The following CIAO2A variants were observed in gnomAD, a reference collection of about 807,000 sequenced individuals.
CIAO2A encodes the protein cytosolic iron-sulfur assembly component 2A.
A neutral mutation model predicts 22.4 loss-of-function variants in CIAO2A; 17 were observed. The ratio of observed to expected loss-of-function variants is 0.76; its 90% CI spans 0.52 to 1.14. CIAO2A has a LOEUF of 1.14. Ranked by LOEUF, CIAO2A falls within the 50% of genes most tolerant of loss-of-function variation. The pLI is 0.00. For synonymous variants in CIAO2A, 74 were observed against 72.3 expected, an observed-to-expected ratio of 1.02 and a Z score of -0.12; for missense variants, 192 against 191.4, an observed-to-expected ratio of 1.00 and a Z score of -0.02.
chr15:64,075,208 T>C (rs181127638), intron 4 of CIAO2A: 43 of 242,570 alleles, frequency 1.8e-4, no homozygotes, highest in African/African-American at 8.6e-4. Flanking sequence ...GAAGCCTACT[T>C]AGAGCTCATA....
chr15:64,078,639 C>CAAAAAAAAAAAAAAAAA (rs56266808), intron 3 of CIAO2A, among the ~76,000 whole-genome samples: 14 of 129,132 alleles, frequency 1.1e-4, no homozygotes, highest in African/African-American at 3.8e-4. Context: ...CCATCGCAAA[C>CAAAAAAAAAAAAAAAAA]AAAAAAAAAA....
intron 2 of CIAO2A, among the ~76,000 whole-genome samples, chr15:64,087,084 C>CTTTTTTTTTTTTTT (rs766247330): frequency 2.6e-5 from 2 of 76,076 alleles, no homozygotes; most frequent in Non-Finnish European, 4.8e-5. Context: ...GCTAATTTTG[C>CTTTTTTTTTTTTTT]TTTTTTTTTT....
chr15:64,075,603 G>A (rs1595951253), intron 3 of CIAO2A, 66 bp from the exon 4 acceptor site: 11 of 1,007,106 alleles, frequency 1.1e-5, no homozygotes, highest in Middle Eastern at 2.6e-4. Flanking sequence ...GAGTGAAGTG[G>A]AATGTACAGT....
intron 2 of CIAO2A, among the ~76,000 whole-genome samples, chr15:64,082,704 A>C (rs902907181): frequency 6.6e-6 from 1 of 152,186 alleles, no homozygotes; most frequent in African/African-American, 2.4e-5. Context: ...GTACTGTCTG[A>C]ATATCCTCAC....
chr15:64,084,174 A>G (rs1453801504), intron 2 of CIAO2A, among the ~76,000 whole-genome samples: 1 of 152,132 alleles, frequency 6.6e-6, no homozygotes, highest in Non-Finnish European at 1.5e-5. Context: ...ATGCAATTTG[A>G]ACTTATTCAA....
In CIAO2A at chr15:64,088,735, T is replaced by A; in HGVS notation, c.241A>T (p.Ile81Phe). The stretch of plus-strand genomic sequence containing the variant: ...TGAGGTACTGTTGGCGTGAACCTGA[T>A]AATAACCAGATATTCTTCTTCATTT... ...EINEEEYLVI[I>F]RFTPTVPHCS... Residue 81 changes from isoleucine to phenylalanine, a missense_variant, in exon 2 of 5, where the codon ATC becomes TTC. Ile to Phe is a conservative substitution (Grantham distance 21). Coordinates refer to ENST00000300030, the MANE Select transcript of CIAO2A (RefSeq NM_032231.7). 1.2e-6 allele frequency: 2 copies of A among 1,613,976 alleles called. No homozygotes were observed. The highest frequency in any genetic ancestry group is 1.6e-4 in the Middle Eastern group (1 of 6,062).
At chr15:64,077,222 C>T (rs1328033609) in intron 3 of CIAO2A, among the ~76,000 whole-genome samples, 3 of 152,084 alleles carry the variant, frequency 2.0e-5, no homozygotes, top group African/African-American at 4.8e-5. Context: ...CCCTTGAACC[C>T]GGGAGGTGGA....
At chr15:64,077,171 G>C (rs968348260) in intron 3 of CIAO2A, among the ~76,000 whole-genome samples, 2 of 152,142 alleles carry the variant, frequency 1.3e-5, no homozygotes, top group Non-Finnish European at 2.9e-5. Context: ...AATTAGCCGG[G>C]CGTGTATTAC....
At chr15:64,079,991 G>A (rs750462112) in intron 3 of CIAO2A, among the ~76,000 whole-genome samples, 7 of 152,112 alleles carry the variant, frequency 4.6e-5, no homozygotes, top group Admixed American at 2.6e-4. Context: ...TTTTAAAATG[G>A]GCAAAGGATC....
At chr15:64,081,431 C>T (rs928635144) in intron 2 of CIAO2A, among the ~76,000 whole-genome samples, 1 of 151,400 alleles carries the variant, frequency 6.6e-6, no homozygotes, top group African/African-American at 2.4e-5. Context: ...CACTGAGTTA[C>T]AACAGTGGCA....
chr15:64,076,983 G>A (rs111522777), intron 3 of CIAO2A, among the ~76,000 whole-genome samples: 53 of 152,144 alleles, frequency 3.5e-4, no homozygotes, highest in African/African-American at 1.3e-3. Context: ...AGAGATTATA[G>A]GCGTGAGCCA....
chr15:64,086,772 C>G (rs1388951939), intron 2 of CIAO2A, among the ~76,000 whole-genome samples: 4 of 151,634 alleles, frequency 2.6e-5, no homozygotes, highest in Non-Finnish European at 5.9e-5. Flanking sequence ...TGCCACCATG[C>G]CCAGCTAATT....
At chr15:64,089,910 A>G (rs147524162) in intron 1 of CIAO2A, among the ~76,000 whole-genome samples, 80 of 152,332 alleles carry the variant, frequency 5.3e-4, no homozygotes, top group Middle Eastern at 3.4e-3. Flanking sequence ...GGGGTTATCC[A>G]ATGGAGTTTT....
intron 3 of CIAO2A, among the ~76,000 whole-genome samples, chr15:64,077,253 G>A (rs2080726155): frequency 6.6e-6 from 1 of 152,168 alleles, no homozygotes; most frequent in South Asian, 2.1e-4. Context: ...AGCTGAGACT[G>A]CGCCACTGCA....
intron 2 of CIAO2A, among the ~76,000 whole-genome samples, chr15:64,087,881 T>A (rs991567919): frequency 2.0e-5 from 3 of 151,988 alleles, no homozygotes; most frequent in Non-Finnish European, 2.9e-5. Flanking sequence ...TATTCAGGCA[T>A]ATGCAATCAA....
chr15:64,079,351 G>A (rs1471601227), intron 3 of CIAO2A, among the ~76,000 whole-genome samples: 1 of 152,072 alleles, frequency 6.6e-6, no homozygotes, highest in Non-Finnish European at 1.5e-5. Context: ...GACTAGCTTG[G>A]GCAACAAAGA....
chr15:64,074,350 G>A (rs190603721), intron 4 of CIAO2A: 1 of 152,196 alleles, frequency 6.6e-6, no homozygotes, highest in African/African-American at 2.4e-5. Context: ...AGGCAGGAAT[G>A]TATCTCAAAG....
intron 3 of CIAO2A, among the ~76,000 whole-genome samples, chr15:64,080,799 G>C (rs1189036385): frequency 6.6e-6 from 1 of 152,154 alleles, no homozygotes; most frequent in Non-Finnish European, 1.5e-5. Context: ...AGCCACTGTG[G>C]AAAACAAACA....
chr15:64,082,496 G>C (rs1291573950), intron 2 of CIAO2A, among the ~76,000 whole-genome samples: 1 of 151,994 alleles, frequency 6.6e-6, no homozygotes, highest in Non-Finnish European at 1.5e-5. Flanking sequence ...CCAAAGTGCT[G>C]GTATTATAGG....
Sources: allele counts gnomAD v4.1 joint callset (sites outside exome capture counted in the v4.1 genomes callset), GRCh38; gene constraint gnomAD v4.1.1; transcripts MANE v1.5; gene names NCBI Gene and HGNC (gene_info 2026-07-23, HGNC 2026-07-21).